Variants in TNRC6A observed in about 807,000 individuals in gnomAD.
The protein encoded by TNRC6A is trinucleotide repeat containing adaptor 6A, also known as trinucleotide repeat-containing gene 6A protein.
In TNRC6A, 44 loss-of-function variants were observed where a neutral mutation model predicts 221.2. The observed-to-expected ratio is 0.20, with a 90% confidence interval of 0.16 to 0.26. TNRC6A has a LOEUF of 0.26. TNRC6A is among the 10% of genes least tolerant of loss of function. TNRC6A has a pLI of 1.00. For missense variants in TNRC6A, 2,199 were observed against 2,404.4 expected (o/e 0.91, Z 1.79); for synonymous variants, 847 against 838.5 (o/e 1.01, Z -0.18).
intron 12 of TNRC6A, 187 bp from the exon 13 acceptor site, chr16:24,804,518 T>C (rs2058391342): frequency 3.6e-6 from 4 of 1,118,386 alleles, no homozygotes; most frequent in African/African-American, 3.2e-5. Flanking sequence ...TTCTTCTTAA[T>C]CCCATGAAAT....
Position 24,805,145 on chromosome 16 carries a change from C to A in TNRC6A, c.4116C>A (p.Ser1372=). ...CTCAAGTGCCTCCTCCATTACTCTC[C>A]CCTCAGGTAAATAAGCTTTCCTTAC... ...LRAQVPPPLL[S]PQVPVSLLKY... The change falls in exon 14 of 25, where the codon TCC becomes TCA. Residue 1372 remains serine, a synonymous_variant. Coordinates refer to ENST00000395799, the MANE Select transcript of TNRC6A (RefSeq NM_014494.4). The A allele has an allele frequency of 1.9e-6, 3 of 1,614,100 alleles. No homozygotes were observed. Among genetic ancestry groups the A allele is most frequent in the Non-Finnish European group, 2.5e-6 (3 of 1,180,004 alleles).
At position 24,792,256 on chromosome 16, in the gene TNRC6A, C is replaced by T. The variant is rs183174746; in HGVS notation, c.3175+439C>T. On this transcript the variant is annotated intron_variant, in intron 6 of 24. Coordinates refer to ENST00000395799, the MANE Select transcript of TNRC6A (RefSeq NM_014494.4). ...TAAGTAGGTGAGAAATCCAACTCTA[C>T]TTAGATACAGTATATATGTTTGTGT... 4.6e-5 allele frequency among the ~76,000 whole-genome samples: 7 copies of T among 152,180 alleles called. No homozygotes were observed. In the East Asian group the frequency reaches 1.4e-3, roughly 29 times the overall value.
rs189790176 is a variant in TNRC6A at position 24,756,219 on chromosome 16, C to T, written c.142-2120C>T. 6.6e-5 allele frequency among the ~76,000 whole-genome samples: 10 copies of T among 152,278 alleles called. No homozygotes were observed. The East Asian group carries it at 1.9e-3, about 29-fold the overall frequency. ...GAAATTTGGTGTGTATTTTGCTCAT[C>T]TCAGTTCAGACTAGCCACATTTCAG... On this transcript the variant is annotated intron_variant, in intron 3 of 24. Transcript: ENST00000395799.
At chr16:24,785,921 G>A (rs1231654221) in intron 5 of TNRC6A, among the ~76,000 whole-genome samples, 1 of 152,212 alleles carries the variant, frequency 6.6e-6, no homozygotes, top group African/African-American at 2.4e-5. Flanking sequence ...TGGACTTGAT[G>A]ATGTTTTGGA....
intron 2 of TNRC6A, among the ~76,000 whole-genome samples, chr16:24,721,674 G>T (rs755795238): frequency 1.3e-5 from 2 of 152,194 alleles, no homozygotes; most frequent in Non-Finnish European, 2.9e-5. Context: ...CGGCCTGGTG[G>T]TGCATGCCTT....
At position 24,823,491 on chromosome 16, in the gene TNRC6A, G is replaced by T. The variant is rs1017386230; in HGVS notation, c.5573G>T (p.Arg1858Leu). Residue 1858 changes from arginine (R) to leucine (L), a missense_variant, in exon 25 of 25, where the codon CGT becomes CTT. Physicochemically the swap from Arg to Leu is moderately radical, Grantham distance 102 (BLOSUM62 -2). Transcript: ENST00000395799. The surrounding 1 kb of genome is among the most constrained non-coding windows in gnomAD (Gnocchi z 4.3). The stretch of plus-strand genomic sequence containing the variant: ...TTTGCCAGTGAAGAGGAGATCAGTC[G>T]TTTCTTTGCACAAAGCCAGTCTCTG... ...AEFASEEEIS[R>L]FFAQSQSLTP... 6.2e-7 allele frequency: 1 copy of T among 1,614,098 alleles called. No homozygotes were observed. The highest frequency in any genetic ancestry group is 8.5e-7 in the Non-Finnish European group (1 of 1,180,016).
In TNRC6A at chr16:24,823,362, C is replaced by G; in HGVS notation, c.5514-70C>G. ...TTTTCTAGCAGAGACAAGTTGCACC[C>G]TCACTTGTGAGTGAATGAAGCCCTC... is the stretch of plus-strand genomic sequence containing the variant. On this transcript the variant is annotated intron_variant, in intron 24 of 24. Coordinates refer to ENST00000395799, the MANE Select transcript of TNRC6A (RefSeq NM_014494.4). This position sits in a 1 kb window ranked among gnomAD's most constrained non-coding sequence, Gnocchi z 4.3. The G allele has an allele frequency of 6.6e-7, 1 of 1,523,186 alleles. No homozygotes were observed. Among genetic ancestry groups the G allele is most frequent in the Non-Finnish European group, 8.8e-7 (1 of 1,131,602 alleles). 94.4% of individuals were successfully genotyped at this position (1,523,186 alleles called of 1,614,324 possible).
chr16:24,642,690 C>A (rs998377850), intron 2 of TNRC6A, among the ~76,000 whole-genome samples: 1 of 151,918 alleles, frequency 6.6e-6, no homozygotes, highest in African/African-American at 2.4e-5. Context: ...CATGGTGGCA[C>A]GTGCCTGTAA....
chr16:24,809,643 G>C, intron 18 of TNRC6A, 162 bp downstream of exon 18: 1 of 811,414 alleles, frequency 1.2e-6, no homozygotes. Context: ...GTTACAATAA[G>C]AGACTTTCAG....
intron 2 of TNRC6A, among the ~76,000 whole-genome samples, chr16:24,741,967 G>T (rs1372309433): frequency 6.6e-6 from 1 of 152,146 alleles, no homozygotes; most frequent in East Asian, 1.9e-4. Context: ...CTCCTGAGGA[G>T]CTGGGACTAC....
At chr16:24,796,379 G>T (rs2058219603) in intron 9 of TNRC6A, 1 of 157,318 alleles carries the variant, frequency 6.4e-6, no homozygotes, top group Non-Finnish European at 1.4e-5. Context: ...AATTTTAAAA[G>T]AAAGCTAATC....
chr16:24,711,154 C>T (rs966940932), intron 2 of TNRC6A, among the ~76,000 whole-genome samples: 2 of 151,912 alleles, frequency 1.3e-5, no homozygotes, highest in African/African-American at 4.8e-5. Context: ...GGATTACAGG[C>T]GCGCATTGCA....
At chr16:24,805,557 G>A (rs2058413187) in intron 14 of TNRC6A, 48 bp from the exon 15 acceptor site, 1 of 1,608,532 alleles carries the variant, frequency 6.2e-7, no homozygotes, top group African/African-American at 1.3e-5. Flanking sequence ...CGTGTAGTTA[G>A]TGTGAGTTAT....
chr16:24,767,651 A>G (rs1286775140), intron 4 of TNRC6A, among the ~76,000 whole-genome samples: 2 of 152,208 alleles, frequency 1.3e-5, no homozygotes, highest in African/African-American at 2.4e-5. Flanking sequence ...CTAGCATTTT[A>G]TAGTATTAAT....
At chr16:24,717,636 G>A (rs1425757074) in intron 2 of TNRC6A, among the ~76,000 whole-genome samples, 2 of 152,148 alleles carry the variant, frequency 1.3e-5, no homozygotes, top group Non-Finnish European at 2.9e-5. Context: ...AGACCACACA[G>A]AAGTCTAGGA....
chr16:24,723,888 A>G (rs2056452164), intron 2 of TNRC6A, among the ~76,000 whole-genome samples: 1 of 152,228 alleles, frequency 6.6e-6, no homozygotes, highest in South Asian at 2.1e-4. Flanking sequence ...ATGTGTGAGT[A>G]ATCAATTCAT....
chr16:24,721,431 G>T (rs942323073), intron 2 of TNRC6A, among the ~76,000 whole-genome samples: 1 of 152,190 alleles, frequency 6.6e-6, no homozygotes, highest in Admixed American at 6.5e-5. Context: ...CACTTTGGGA[G>T]GCTGAGGTGT....
At chr16:24,813,001 G>A (rs562693902) in intron 18 of TNRC6A, among the ~76,000 whole-genome samples, 6 of 141,792 alleles carry the variant, frequency 4.2e-5, no homozygotes, top group South Asian at 4.7e-4. Flanking sequence ...TCAGCCTCCC[G>A]AGCAGCTGGG....
At chr16:24,817,822 A>G (rs1328612653) in intron 20 of TNRC6A, among the ~76,000 whole-genome samples, 1 of 152,188 alleles carries the variant, frequency 6.6e-6, no homozygotes, top group East Asian at 1.9e-4. Context: ...GGTTTCACAG[A>G]CAGCTCTGCC....
Sources: allele counts gnomAD v4.1 joint callset (sites outside exome capture counted in the v4.1 genomes callset), GRCh38; gene constraint gnomAD v4.1.1; non-coding constraint Gnocchi (gnomAD v3.1); transcripts MANE v1.5; gene names NCBI Gene and HGNC (gene_info 2026-07-23, HGNC 2026-07-21).